Variants in USP43 observed in about 807,000 individuals in gnomAD.
The protein encoded by USP43 is ubiquitin specific peptidase 43.
Under a neutral mutation model 90.7 loss-of-function variants are expected in USP43, and 33 were observed. That is an observed-to-expected ratio of 0.36 (90% CI 0.28 to 0.49). The LOEUF (loss-of-function observed/expected upper bound fraction) is 0.49. USP43 is among the 20% of genes least tolerant of loss of function. The pLI, the probability that USP43 is intolerant of heterozygous loss-of-function variation, is 0.98. For missense variants in USP43, 1,274 were observed against 1,476.4 expected (o/e 0.86, Z 2.25); for synonymous variants, 598 against 615.8 (o/e 0.97, Z 0.43).
intron 8 of USP43, among the ~76,000 whole-genome samples, chr17:9,690,620 C>T (rs1384391301): frequency 6.6e-6 from 1 of 152,164 alleles, no homozygotes; most frequent in East Asian, 1.9e-4. Flanking sequence ...CGTGGTGGCT[C>T]ACGCCTGTAC....
At chr17:9,713,049 TC>T (rs1323810859) in intron 14 of USP43, among the ~76,000 whole-genome samples, 1 of 152,146 alleles carries the variant, frequency 6.6e-6, no homozygotes, top group Non-Finnish European at 1.5e-5. Context: ...GTAGTCACCT[TC>T]CTGTGCTATT....
chr17:9,663,741 G>A (rs1454820728), intron 2 of USP43, among the ~76,000 whole-genome samples: 2 of 151,874 alleles, frequency 1.3e-5, no homozygotes, highest in Admixed American at 6.6e-5. Flanking sequence ...CTCCTGCCTC[G>A]GCCTCCTGAG....
chr17:9,656,562 T>A (rs762101994), intron 2 of USP43, 28 bp downstream of exon 2: 5 of 1,574,420 alleles, frequency 3.2e-6, no homozygotes, highest in African/African-American at 1.4e-5. Context: ...CAACACAATG[T>A]ACTGGGTTTT....
rs577962082 is a variant in USP43, at chr17:9,678,722, TC to T, written c.970-1501del. ...CTGTTTTCCTATTTTGTACCGCCCC[TC>T]CCCCCCCATTTTTAGATTGAACAGT... On this transcript the variant is annotated intron_variant, in intron 5 of 14. Transcript: ENST00000285199. Among the ~76,000 whole-genome samples, 216 of 149,108 alleles carry T rather than the reference TC, an allele frequency of 1.4e-3. 1 individual carries two copies. Among genetic ancestry groups the T allele is most frequent in the African/African-American group, 2.1e-3 (87 of 40,724 alleles).
intron 14 of USP43, among the ~76,000 whole-genome samples, chr17:9,716,711 AC>A (rs1353669197): frequency 2.0e-5 from 3 of 152,120 alleles, no homozygotes; most frequent in African/African-American, 7.2e-5. Flanking sequence ...CAAGGGGAGC[AC>A]CCTGAGTTGT....
chr17:9,717,989 G>A (rs1267197334), intron 14 of USP43, among the ~76,000 whole-genome samples: 1 of 151,776 alleles, frequency 6.6e-6, no homozygotes, highest in Non-Finnish European at 1.5e-5. Context: ...TAGAGATGGG[G>A]GTTTCACCAT....
At chr17:9,688,024 C>T (rs1914691366) in intron 8 of USP43, among the ~76,000 whole-genome samples, 1 of 152,066 alleles carries the variant, frequency 6.6e-6, no homozygotes, top group Admixed American at 6.5e-5. Flanking sequence ...CTCACTCTGT[C>T]GCCCAGGCTG....
chr17:9,671,669 T>G (rs1401882442), intron 3 of USP43, among the ~76,000 whole-genome samples: 1 of 152,150 alleles, frequency 6.6e-6, no homozygotes, highest in African/African-American at 2.4e-5. Context: ...ATGAATACCT[T>G]AGGGAAATGG....
At chr17:9,710,500 CTTTTTTTTTT>C (rs753636549) in intron 13 of USP43, among the ~76,000 whole-genome samples, 3 of 86,038 alleles carry the variant, frequency 3.5e-5, no homozygotes, top group Non-Finnish European at 6.2e-5. Flanking sequence ...GGAAAGGTAG[CTTTTTTTTTT>C]TTTTTTTTTT....
chr17:9,701,280 G>C lies in USP43; in HGVS notation c.1662+35G>C, dbSNP rs774261377. The C allele has an allele frequency of 1.3e-6, 2 of 1,597,854 alleles. No homozygotes were observed. The highest frequency in any genetic ancestry group is 1.7e-6 in the Non-Finnish European group (2 of 1,171,654). On this transcript the variant is annotated intron_variant, in intron 11 of 14. Transcript: ENST00000285199. The surrounding 1 kb of genome is among the most constrained non-coding windows in gnomAD (Gnocchi z 7.2). ...TGGGGGTCCATGCCCCGGCCGGGAA[G>C]GGGGCTGGCTGCCTTTGGTGGGTTG...
intron 14 of USP43, among the ~76,000 whole-genome samples, chr17:9,715,249 C>T (rs936438951): frequency 1.3e-5 from 2 of 152,016 alleles, no homozygotes; most frequent in Non-Finnish European, 2.9e-5. Context: ...TCGCGTGAGT[C>T]CAAGAAGTTA....
chr17:9,713,669 A>G (rs2151996128), intron 14 of USP43, among the ~76,000 whole-genome samples: 1 of 152,266 alleles, frequency 6.6e-6, no homozygotes. Context: ...CATGTTAGAT[A>G]AGAGATGGTC....
At position 9,707,304 on chromosome 17, in the gene USP43, G is replaced by C. The variant is rs576267297; in HGVS notation, c.2012-2652G>C. On this transcript the variant is annotated intron_variant, in intron 12 of 14. Coordinates refer to ENST00000285199, the MANE Select transcript of USP43 (RefSeq NM_153210.5). ...GAGTCGATAATTAAATTTACTACAT[G>C]TGATATACCTTGGTCCATTCTATTC... Among the ~76,000 whole-genome samples, 75 of 152,172 alleles carry C rather than the reference G, an allele frequency of 4.9e-4. No homozygotes were observed. In the Middle Eastern group the frequency reaches 0.024, roughly 48 times the overall value.
Position 9,700,220 on chromosome 17 carries a change from G to A in USP43, c.1506G>A (p.Ala502=), listed in dbSNP as rs761379709. Residue 502 remains alanine, a synonymous_variant, in exon 10 of 15, where the codon GCG becomes GCA. Transcript: ENST00000285199. ...RPGGPPHVKL[A]VEWDSSVKER... ...GAGGCCCTCCACATGTCAAGCTGGCGGTGGAGTGGGATAGCTCTGTCAAGG... is the reference window on the plus strand; with the variant it reads ...GAGGCCCTCCACATGTCAAGCTGGCAGTGGAGTGGGATAGCTCTGTCAAGG... 10 of 1,605,214 alleles carry A rather than the reference G, an allele frequency of 6.2e-6. No individual in the cohort carries two copies. The highest frequency in any genetic ancestry group is 2.6e-6 in the Non-Finnish European group (3 of 1,176,168).
intron 2 of USP43, among the ~76,000 whole-genome samples, 170 bp from the exon 3 acceptor site, chr17:9,666,478 G>A (rs1407041149): frequency 6.6e-6 from 1 of 151,984 alleles, no homozygotes; most frequent in Non-Finnish European, 1.5e-5. Flanking sequence ...GAGGTCAGGG[G>A]ATTGAAAGAG....
At chr17:9,726,862 C>T (rs112817392) in intron 14 of USP43, among the ~76,000 whole-genome samples, 2 of 152,178 alleles carry the variant, frequency 1.3e-5, no homozygotes, top group African/African-American at 2.4e-5. Flanking sequence ...GTTTCAGTTG[C>T]GCCAGGTGGA....
rs144240199 is a variant in USP43 at position 9,712,785 on chromosome 17, TTTTGTTTGTTTG to T, written c.2335+672_2335+683del. Among the ~76,000 whole-genome samples, 4 of 151,490 alleles carry T rather than the reference TTTTGTTTGTTTG, an allele frequency of 2.6e-5. No individual in the cohort carries two copies. The East Asian group carries it at 5.8e-4, about 22-fold the overall frequency. On this transcript the variant is annotated intron_variant, in intron 14 of 14. Transcript: ENST00000285199. ...TAGTGGATAGCGAGTGGAGAGGTGT[TTTTGTTTGTTTG>T]TTTGTTTGTTTGTTTGTTAATGCTT...
intron 13 of USP43, among the ~76,000 whole-genome samples, 157 bp downstream of exon 13, chr17:9,710,271 G>A (rs1236316886): frequency 6.6e-6 from 1 of 152,144 alleles, no homozygotes; most frequent in Non-Finnish European, 1.5e-5. Context: ...GCATAGACTG[G>A]TTGCTCATTT....
intron 8 of USP43, among the ~76,000 whole-genome samples, chr17:9,687,901 A>G (rs4791859): frequency 0.022 from 3,392 of 152,354 alleles, 123 homozygotes; most frequent in African/African-American, 0.077. Flanking sequence ...CTCTGCAAGT[A>G]GGTCAGTCTA....
Sources: gnomAD v4.1 joint callset for allele counts (sites outside exome capture counted in the v4.1 genomes callset) on GRCh38, gnomAD v4.1.1 for gene constraint, Gnocchi (gnomAD v3.1) non-coding constraint, MANE v1.5 for transcripts, NCBI Gene and HGNC (gene_info 2026-07-23, HGNC 2026-07-21) for gene names.